Variants in DGKI observed in about 807,000 individuals in gnomAD.
DGKI encodes diacylglycerol kinase iota.
DGKI carries 55 observed loss-of-function variants against 147.5 expected under a neutral mutation model. That is an observed-to-expected ratio of 0.37 (90% CI 0.30 to 0.47). The LOEUF is 0.47. Ranked by LOEUF, DGKI falls within the 20% of genes least tolerant of loss-of-function variation. DGKI has a pLI of 1.00. For missense variants in DGKI, 1,007 were observed against 1,323.8 expected, an observed-to-expected ratio of 0.76 and a Z score of 3.71; for synonymous variants, 469 against 477.1, an observed-to-expected ratio of 0.98 and a Z score of 0.22.
At chr7:137,764,146 C>T (rs61344088) in intron 1 of DGKI, among the ~76,000 whole-genome samples, 8,123 of 152,144 alleles carry the variant, frequency 0.053, 519 homozygotes, top group African/African-American at 0.16. Flanking sequence ...TAGATGTGAA[C>T]GGTGTTGCCC....
At chr7:137,618,860 T>C (rs767240395) in intron 8 of DGKI, among the ~76,000 whole-genome samples, 21 of 152,174 alleles carry the variant, frequency 1.4e-4, no homozygotes, top group Non-Finnish European at 2.8e-4. Context: ...TCCCAAGGGC[T>C]TCCATAGACT....
At position 137,536,319 on chromosome 7, in the gene DGKI, G is replaced by A. The variant is rs566832270; in HGVS notation, c.2148-14353C>T. On this transcript the variant is annotated intron_variant, in intron 20 of 32. Coordinates refer to ENST00000614521, the MANE Select transcript of DGKI (RefSeq NM_001321708.2). The stretch of plus-strand genomic sequence containing the variant: ...ACTAGTAGCAACTGTGACCTTAGAA[G>A]TTAGTAGGGTGTTAAATTTGATCAC... 5.3e-5 allele frequency among the ~76,000 whole-genome samples: 8 copies of A among 152,264 alleles called. No individual in the cohort carries two copies. The South Asian group carries it at 1.7e-3, about 32-fold the overall frequency.
chr7:137,675,846 A>G (rs1444282927), intron 3 of DGKI, among the ~76,000 whole-genome samples: 1 of 152,140 alleles, frequency 6.6e-6, no homozygotes, highest in Non-Finnish European at 1.5e-5. Context: ...TTCTACCTCT[A>G]TGACTTTTCC....
chr7:137,647,171 G>A (rs1031471033), intron 5 of DGKI, among the ~76,000 whole-genome samples: 24 of 152,114 alleles, frequency 1.6e-4, no homozygotes, highest in Admixed American at 1.4e-3. Flanking sequence ...TATTTTATAA[G>A]TAATAATTCT....
At chr7:137,499,000 C>T (rs1035259879) in intron 21 of DGKI, among the ~76,000 whole-genome samples, 1 of 152,146 alleles carries the variant, frequency 6.6e-6, no homozygotes, top group African/African-American at 2.4e-5. Context: ...CGTGTGCACT[C>T]TCAGAAAAAC....
At chr7:137,524,924 A>G (rs564152576) in intron 20 of DGKI, among the ~76,000 whole-genome samples, 9 of 152,080 alleles carry the variant, frequency 5.9e-5, no homozygotes, top group Admixed American at 1.3e-4. Flanking sequence ...GAGCTCCCCA[A>G]TTTGGGGCTT....
chr7:137,400,845 T>C (rs553265180), intron 30 of DGKI, among the ~76,000 whole-genome samples: 1 of 152,332 alleles, frequency 6.6e-6, no homozygotes, highest in East Asian at 1.9e-4. Context: ...TCAACATAGA[T>C]AATCACAAAA....
Position 137,691,809 on chromosome 7 carries a change from T to TTTTG in DGKI, c.402-1808_402-1807insCAAA, listed in dbSNP as rs1554458895. On this transcript the variant is annotated intron_variant, in intron 1 of 32. Coordinates refer to ENST00000614521, the MANE Select transcript of DGKI (RefSeq NM_001321708.2). Reference sequence around the variant, plus strand: ...GTCTAGACCTTTGGGTTTTTTTTTTTTTTTTTTTTTTTAAGCCTCTTGTAT... The same window carrying TTTTG: ...GTCTAGACCTTTGGGTTTTTTTTTTTTTTGTTTTTTTTTTTTAAGCCTCTTGTAT... Among the ~76,000 whole-genome samples, 10 of 141,010 alleles carry TTTTG rather than the reference T, an allele frequency of 7.1e-5. 1 individual carries two copies. Among genetic ancestry groups the TTTTG allele is most frequent in the African/African-American group, 2.8e-4 (10 of 35,522 alleles). The allele number at this position is 141,010 out of a possible 152,430, so 92.5% of individuals were successfully genotyped here.
intron 5 of DGKI, among the ~76,000 whole-genome samples, chr7:137,646,380 C>G (rs373232091): frequency 6.6e-6 from 1 of 152,160 alleles, no homozygotes; most frequent in Non-Finnish European, 1.5e-5. Context: ...TTTAAACCAT[C>G]CTTGGGCACC....
chr7:137,594,391 T>C (rs1425082134), intron 12 of DGKI, among the ~76,000 whole-genome samples: 1 of 152,198 alleles, frequency 6.6e-6, no homozygotes, highest in Non-Finnish European at 1.5e-5. Context: ...TAGCTAATAT[T>C]GAAGCCTAAG....
At chr7:137,444,414 C>A (rs1813633052) in intron 27 of DGKI, among the ~76,000 whole-genome samples, 1 of 152,112 alleles carries the variant, frequency 6.6e-6, no homozygotes, top group South Asian at 2.1e-4. Flanking sequence ...TAGATGAAAT[C>A]CTGTGATGTG....
intron 1 of DGKI, among the ~76,000 whole-genome samples, chr7:137,801,736 G>T (rs570694782): frequency 6.6e-6 from 1 of 152,134 alleles, no homozygotes; most frequent in African/African-American, 2.4e-5. Flanking sequence ...CACCCACTGG[G>T]GGTGAGAGCT....
rs552382033 is a variant in DGKI, at chr7:137,720,250, C to CTTTTT, written c.402-30253_402-30249dup. Among the ~76,000 whole-genome samples, 77 of 88,234 alleles carry CTTTTT rather than the reference C, an allele frequency of 8.7e-4. 1 individual carries two copies. The highest frequency in any genetic ancestry group is 1.2e-3 in the Non-Finnish European group (60 of 50,366). The allele number at this position is 88,234 out of a possible 152,430, so 57.9% of individuals were successfully genotyped here. Reference sequence around the variant, plus strand: ...TAAGGTTTTTCACACTTGAAAAAATCTTTTTTTTTTTTTTTTTTTTTTTTT... The same window carrying CTTTTT: ...TAAGGTTTTTCACACTTGAAAAAATCTTTTTTTTTTTTTTTTTTTTTTTTTTTTTT... On this transcript the variant is annotated intron_variant, in intron 1 of 32. Transcript: ENST00000614521.
Position 137,585,245 on chromosome 7 carries a change from G to C in DGKI, c.1527C>G (p.Asp509Glu). 1 of 1,614,156 alleles carries C rather than the reference G, an allele frequency of 6.2e-7. No homozygotes were observed. The highest frequency in any genetic ancestry group is 8.5e-7 in the Non-Finnish European group (1 of 1,180,024). ...RWNLHVERNP[D>E]LPPEELEDGV... Reference sequence around the variant, plus strand: ...CATCTTCAAGTTCTTCTGGAGGCAAGTCGGGGTTTCTTTCCACATGGAGGT... The same window carrying C: ...CATCTTCAAGTTCTTCTGGAGGCAACTCGGGGTTTCTTTCCACATGGAGGT... Residue 509 changes from aspartate (D) to glutamate (E), a missense_variant, in exon 14 of 33, where the codon GAC (aspartate) becomes GAG (glutamate). By Grantham distance (45) the Asp-to-Glu change is conservative. Coordinates refer to ENST00000614521, the MANE Select transcript of DGKI (RefSeq NM_001321708.2).
intron 28 of DGKI, among the ~76,000 whole-genome samples, chr7:137,428,869 A>T (rs1329523920): frequency 1.3e-5 from 2 of 152,166 alleles, no homozygotes; most frequent in East Asian, 3.9e-4. Flanking sequence ...CTCTTCAAGG[A>T]GAACTACAAA....
chr7:137,521,752 T>C, intron 21 of DGKI, 114 bp downstream of exon 21: 1 of 764,830 alleles, frequency 1.3e-6, no homozygotes, highest in Admixed American at 2.4e-5. Context: ...ACTTCACTTC[T>C]CTAACCATGA....
rs141603458 is a variant in DGKI, at chr7:137,661,937, G to C, written c.607-5397C>G. 1.3e-3 allele frequency among the ~76,000 whole-genome samples: 193 copies of C among 152,306 alleles called. 1 individual carries two copies. The highest frequency in any genetic ancestry group is 4.8e-3 in the South Asian group (23 of 4,832). ...GTCTCTCTGGCAACATACACAACAA[G>C]ATTGTTGCTGTATAATCCAAGGTAA... On this transcript the variant is annotated intron_variant, in intron 3 of 32. Transcript: ENST00000614521.
At chr7:137,626,032 T>C (rs1027759059) in intron 6 of DGKI, among the ~76,000 whole-genome samples, 2 of 152,166 alleles carry the variant, frequency 1.3e-5, no homozygotes, top group East Asian at 1.9e-4. Context: ...ATTAGGCACA[T>C]CCTGTGTGAC....
chr7:137,444,514 T>C (rs944543433), intron 27 of DGKI, among the ~76,000 whole-genome samples: 17 of 152,218 alleles, frequency 1.1e-4, no homozygotes, highest in African/African-American at 4.1e-4. Flanking sequence ...TTGAACAGTA[T>C]AAATTGAGAC....
Sources: gnomAD v4.1 joint callset for allele counts (sites outside exome capture counted in the v4.1 genomes callset) on GRCh38, gnomAD v4.1.1 for gene constraint, MANE v1.5 for transcripts, NCBI Gene and HGNC (gene_info 2026-07-23, HGNC 2026-07-21) for gene names.